PLEKHA6: variants seen among roughly 807,000 people sequenced by gnomAD.
PLEKHA6 encodes pleckstrin homology domain-containing family A member 6.
PLEKHA6 carries 60 observed loss-of-function variants against 116.7 expected under a neutral mutation model. The observed-to-expected ratio is 0.51, with a 90% CI of 0.42 to 0.64. The LOEUF (loss-of-function observed/expected upper bound fraction) is 0.64. Among genes scored for constraint, PLEKHA6 ranks in the 30% least tolerant of loss-of-function variants. The pLI, the probability that PLEKHA6 is intolerant of heterozygous loss-of-function variation, is 0.00. For synonymous variants in PLEKHA6, 489 were observed against 556.1 expected, an observed-to-expected ratio of 0.88 and a Z score of 1.70; for missense variants, 1,338 against 1,422.7, an observed-to-expected ratio of 0.94 and a Z score of 0.96.
chr1:204,340,442 A>G (rs567928720), intron 1 of PLEKHA6, among the ~76,000 whole-genome samples: 97 of 152,334 alleles, frequency 6.4e-4, no homozygotes, highest in Non-Finnish European at 1.1e-3. Context: ...GGCCCACTGC[A>G]GAGACACTCC....
chr1:204,337,699 G>A (rs574479574), intron 1 of PLEKHA6, among the ~76,000 whole-genome samples: 3 of 151,010 alleles, frequency 2.0e-5, no homozygotes, highest in African/African-American at 7.4e-5. Context: ...TTAGAAAGAA[G>A]ATGGCGGTCT....
chr1:204,299,645 T>A (rs1228149734), intron 1 of PLEKHA6: 2 of 985,098 alleles, frequency 2.0e-6, no homozygotes. Context: ...CAAAGCAACG[T>A]GGGTCTTCTA....
chr1:204,234,954 TTATA>T (rs61156938), intron 17 of PLEKHA6, among the ~76,000 whole-genome samples: 26 of 18,658 alleles, frequency 1.4e-3, no homozygotes, highest in Admixed American at 2.9e-3. Flanking sequence ...AAACTGCCCT[TTATA>T]TATATATATA....
chr1:204,342,405 T>C (rs1672879533), intron 1 of PLEKHA6, among the ~76,000 whole-genome samples: 3 of 152,232 alleles, frequency 2.0e-5, no homozygotes, highest in Non-Finnish European at 1.5e-5. Context: ...GAAATAGCTT[T>C]ATGTCCCCAG....
At chr1:204,249,532 C>G (rs994994582) in intron 10 of PLEKHA6, among the ~76,000 whole-genome samples, 2 of 152,152 alleles carry the variant, frequency 1.3e-5, no homozygotes, top group African/African-American at 4.8e-5. Flanking sequence ...GCACCCCCAT[C>G]CTTCCAAGGG....
intron 12 of PLEKHA6, among the ~76,000 whole-genome samples, chr1:204,248,478 T>C (rs1664090240): frequency 6.6e-6 from 1 of 152,136 alleles, no homozygotes; most frequent in Non-Finnish European, 1.5e-5. Context: ...TGCCAGTGCT[T>C]TGCTTCTCCG....
chr1:204,343,609 G>A (rs1672922889), intron 1 of PLEKHA6, among the ~76,000 whole-genome samples: 1 of 152,188 alleles, frequency 6.6e-6, no homozygotes, highest in South Asian at 2.1e-4. Context: ...TGGCCAGGAT[G>A]TTGAACTGGT....
chr1:204,235,498 TA>T (rs1180278238), intron 17 of PLEKHA6, among the ~76,000 whole-genome samples: 1 of 152,190 alleles, frequency 6.6e-6, no homozygotes, highest in Non-Finnish European at 1.5e-5. Flanking sequence ...TGTCCTGAGT[TA>T]GAGTCTTATC....
In PLEKHA6 at chr1:204,343,826, T is replaced by G. The variant is rs77529383; in HGVS notation, c.-95+15868A>C. On this transcript the variant is annotated intron_variant, in intron 1 of 22. Coordinates refer to ENST00000272203, the MANE Select transcript of PLEKHA6 (RefSeq NM_014935.5). ...GAGAAAAGCTGACCAAGTGAAAGAT[T>G]ACTTTCAAGGCTGAGATTCTCAGTC... 6.6e-3 allele frequency among the ~76,000 whole-genome samples: 1,006 copies of G among 152,272 alleles called. 8 individuals carry two copies. The highest frequency in any genetic ancestry group is 0.022 in the African/African-American group (923 of 41,548).
Position 204,261,595 on chromosome 1 carries a change from A to C in PLEKHA6, c.382-147T>G. On this transcript the variant is annotated intron_variant, in intron 6 of 22. Coordinates refer to ENST00000272203, the MANE Select transcript of PLEKHA6 (RefSeq NM_014935.5). The surrounding 1 kb of genome is among the most constrained non-coding windows in gnomAD (Gnocchi z 4.0). ...TGGGGCTCTTCCCCATGCGGAGCTC[A>C]GGAGCAAGGTGAAGAGGGCAGCTTG... 2.0e-4 allele frequency: 173 copies of C among 872,586 alleles called. No individual in the cohort carries two copies. The highest frequency in any genetic ancestry group is 3.6e-4 in the Middle Eastern group (1 of 2,756). The allele number at this position is 872,586 out of a possible 1,614,324, so 54.1% of individuals were successfully genotyped here.
At chr1:204,362,257 A>G (rs778640733), upstream of PLEKHA6, among the ~76,000 whole-genome samples, 5 of 152,202 alleles carry the variant, frequency 3.3e-5, no homozygotes, top group Admixed American at 2.0e-4. Flanking sequence ...CGAGCCCAGA[A>G]GAGGAGAAGC....
At chr1:204,361,198 A>G (rs1673550508), upstream of PLEKHA6, among the ~76,000 whole-genome samples, 1 of 152,174 alleles carries the variant, frequency 6.6e-6, no homozygotes, top group East Asian at 1.9e-4. Flanking sequence ...TGGTGATTGC[A>G]TTTTTTGTTT....
intron 15 of PLEKHA6, chr1:204,243,320 A>G: frequency 2.5e-6 from 1 of 399,644 alleles, no homozygotes; most frequent in East Asian, 3.6e-5. Context: ...CTGTGAGAGC[A>G]GGAGAAAAGA....
chr1:204,254,348 A>T (rs951725122), intron 9 of PLEKHA6, among the ~76,000 whole-genome samples: 6 of 152,240 alleles, frequency 3.9e-5, no homozygotes, highest in Non-Finnish European at 8.8e-5. Context: ...CCTATTACAA[A>T]ATCGAATTGC....
At chr1:204,275,744 C>T in intron 1 of PLEKHA6, 4 of 984,242 alleles carry the variant, frequency 4.1e-6, no homozygotes, top group Non-Finnish European at 4.8e-6. Flanking sequence ...CAAGATGGAT[C>T]CAGTAAGCGG....
At chr1:204,355,841 G>T (rs894995106) in intron 1 of PLEKHA6, among the ~76,000 whole-genome samples, 1 of 152,090 alleles carries the variant, frequency 6.6e-6, no homozygotes, top group African/African-American at 2.4e-5. Flanking sequence ...ATATTGCATT[G>T]TTATTAATAT....
Position 204,228,112 on chromosome 1 carries a change from T to TG in PLEKHA6, c.3001_3002insC (p.Glu1001AlafsTer35). ...CAGCATGCGGCCCCTGCGGGAGGCC[T>TG]CGGTCGCCAGGGCGCAGGAGATTTC... On this transcript the variant is annotated frameshift_variant, in exon 21 of 23. Coordinates refer to ENST00000272203, the MANE Select transcript of PLEKHA6 (RefSeq NM_014935.5). LOFTEE classifies it high-confidence loss of function. The surrounding 1 kb of genome is among the most constrained non-coding windows in gnomAD (Gnocchi z 4.0). 1 of 1,612,770 alleles carries TG rather than the reference T, an allele frequency of 6.2e-7. No homozygotes were observed. The highest frequency in any genetic ancestry group is 8.5e-7 in the Non-Finnish European group (1 of 1,179,324).
At chr1:204,263,552 A>C (rs1227400155) in intron 6 of PLEKHA6, among the ~76,000 whole-genome samples, 5 of 151,988 alleles carry the variant, frequency 3.3e-5, no homozygotes, top group African/African-American at 1.2e-4. Flanking sequence ...GAGGCAGCGC[A>C]GTGTGGGGGA....
intron 10 of PLEKHA6, 102 bp from the exon 11 acceptor site, chr1:204,249,366 C>A: frequency 2.5e-6 from 2 of 816,196 alleles, no homozygotes; most frequent in Non-Finnish European, 4.2e-6. Flanking sequence ...TGGATACCCC[C>A]CTCCTTTCTC....
Sources: allele counts gnomAD v4.1 joint callset (sites outside exome capture counted in the v4.1 genomes callset), GRCh38; gene constraint gnomAD v4.1.1; non-coding constraint Gnocchi (gnomAD v3.1); transcripts MANE v1.5; gene names NCBI Gene and HGNC (gene_info 2026-07-23, HGNC 2026-07-21).